Variants in CNTN1 observed in about 807,000 individuals in gnomAD.
CNTN1 encodes contactin-1.
In CNTN1, 38 loss-of-function variants were observed where a neutral mutation model predicts 126.4. That is an observed-to-expected ratio of 0.30 (90% CI 0.23 to 0.39). The LOEUF (loss-of-function observed/expected upper bound fraction) is 0.39. Ranked by LOEUF, CNTN1 falls within the 10% of genes least tolerant of loss-of-function variation. CNTN1 has a pLI of 1.00. For missense variants in CNTN1, 1,009 were observed against 1,248.4 expected (o/e 0.81, Z 2.89); for synonymous variants, 413 against 422.6 (o/e 0.98, Z 0.28).
At chr12:41,014,158 C>A (rs916283889) in intron 17 of CNTN1, 70 bp from the exon 18 acceptor site, 69 of 1,443,134 alleles carry the variant, frequency 4.8e-5, no homozygotes, top group Non-Finnish European at 6.6e-5. Flanking sequence ...AATAAGAATT[C>A]TAACACCAGG....
intron 18 of CNTN1, among the ~76,000 whole-genome samples, chr12:41,014,565 T>C (rs577640461): frequency 6.6e-6 from 1 of 152,334 alleles, no homozygotes; most frequent in African/African-American, 2.4e-5. Flanking sequence ...ATTCCAGAGA[T>C]ACTTTGATCA....
chr12:40,794,451 T>G (rs1224567828), intron 1 of CNTN1, among the ~76,000 whole-genome samples: 5 of 148,904 alleles, frequency 3.4e-5, no homozygotes, highest in African/African-American at 9.9e-5. Context: ...TTTTTTTTTT[T>G]GCATGGTTGG....
At chr12:40,965,272 A>G (rs1440035871) in intron 15 of CNTN1, among the ~76,000 whole-genome samples, 1 of 152,182 alleles carries the variant, frequency 6.6e-6, no homozygotes, top group African/African-American at 2.4e-5. Flanking sequence ...TGAGAGAAAG[A>G]GTTCCTCCCC....
At chr12:40,918,217 G>A (rs535922567) in intron 3 of CNTN1, among the ~76,000 whole-genome samples, 2 of 152,210 alleles carry the variant, frequency 1.3e-5, no homozygotes, top group East Asian at 3.9e-4. Context: ...ACTCAAAAGA[G>A]GACCAATAAA....
At chr12:41,058,669 G>A (rs1301532946) in intron 23 of CNTN1, among the ~76,000 whole-genome samples, 2 of 151,908 alleles carry the variant, frequency 1.3e-5, no homozygotes, top group African/African-American at 4.8e-5. Context: ...TATGACTAAG[G>A]ATGAGCCTTT....
chr12:40,753,513 C>A (rs1938482487), intron 1 of CNTN1, among the ~76,000 whole-genome samples: 1 of 152,086 alleles, frequency 6.6e-6, no homozygotes, highest in Non-Finnish European at 1.5e-5. Flanking sequence ...GCAAACACGT[C>A]CTTCTTCACA....
At chr12:40,851,897 T>C (rs1031645664) in intron 1 of CNTN1, among the ~76,000 whole-genome samples, 1 of 152,136 alleles carries the variant, frequency 6.6e-6, no homozygotes, top group Non-Finnish European at 1.5e-5. Context: ...ATAGGACATA[T>C]GTACAGAAAA....
chr12:40,931,213 T>C (rs1352669625), intron 7 of CNTN1, among the ~76,000 whole-genome samples: 4 of 151,930 alleles, frequency 2.6e-5, no homozygotes, highest in Non-Finnish European at 4.4e-5. Context: ...TATTATGAAT[T>C]CCTATTTGCT....
chr12:40,930,033 C>T (rs371168812), intron 7 of CNTN1, 31 bp downstream of exon 7: 55 of 1,496,764 alleles, frequency 3.7e-5, no homozygotes, highest in Middle Eastern at 1.7e-4. Flanking sequence ...ACTCTGTTTT[C>T]GCAAGGTTAT....
rs745975456 is a variant in CNTN1 at position 41,069,988 on chromosome 12, G to A, written c.3010G>A (p.Gly1004Ser). 1.2e-5 allele frequency: 20 copies of A among 1,613,730 alleles called. No homozygotes were observed. The highest frequency in any genetic ancestry group is 9.9e-5 in the South Asian group (9 of 91,076). ...GAPTLSPSLL[G>S]LLLPAFGILV... ...ACCCACCCTATCCCCAAGTCTTCTCGGCTTACTGCTGCCTGCCTTTGGCAT... is the reference window on the plus strand; with the variant it reads ...ACCCACCCTATCCCCAAGTCTTCTCAGCTTACTGCTGCCTGCCTTTGGCAT... The change falls in exon 24 of 24, where the codon GGC becomes AGC. Residue 1004 changes from glycine (G) to serine (S), a missense_variant. Transcript: ENST00000551295.
chr12:40,843,278 C>T (rs191936462), intron 1 of CNTN1, among the ~76,000 whole-genome samples: 1 of 152,090 alleles, frequency 6.6e-6, no homozygotes, highest in Admixed American at 6.5e-5. Context: ...ATTTTGTTGA[C>T]ATATTGATTG....
At chr12:40,967,484 AC>A (rs1248508753) in intron 15 of CNTN1, among the ~76,000 whole-genome samples, 2 of 152,206 alleles carry the variant, frequency 1.3e-5, no homozygotes, top group Admixed American at 6.5e-5. Flanking sequence ...TCTCAAAAAA[AC>A]AAAACAAAAC....
chr12:41,037,160 T>G lies in CNTN1; in HGVS notation c.2980+7941T>G, dbSNP rs544437190. On this transcript the variant is annotated intron_variant, in intron 23 of 23. Coordinates refer to ENST00000551295, the MANE Select transcript of CNTN1 (RefSeq NM_001843.4). ...TTTCCAGGTTTGTTTTTAAATGTTA[T>G]TAATGATGGATTGGTATGGTTTATT... 3.3e-5 allele frequency among the ~76,000 whole-genome samples: 5 copies of G among 152,316 alleles called. No homozygotes were observed. In the South Asian group the frequency reaches 1.0e-3, roughly 32 times the overall value.
chr12:40,892,340 T>C (rs1944267720), intron 1 of CNTN1, among the ~76,000 whole-genome samples: 2 of 152,242 alleles, frequency 1.3e-5, no homozygotes, highest in East Asian at 1.9e-4. Flanking sequence ...TGGATTTTGT[T>C]TGTTTGTTTG....
At chr12:40,781,790 A>G (rs1939816085) in intron 1 of CNTN1, among the ~76,000 whole-genome samples, 1 of 152,000 alleles carries the variant, frequency 6.6e-6, no homozygotes, top group Admixed American at 6.6e-5. Context: ...ATTGTTCTCT[A>G]TTATAGTCAG....
At chr12:40,868,757 T>C (rs1943388368) in intron 1 of CNTN1, among the ~76,000 whole-genome samples, 1 of 152,176 alleles carries the variant, frequency 6.6e-6, no homozygotes, top group African/African-American at 2.4e-5. Flanking sequence ...TCTTTGTCTC[T>C]ACGTGCAGTC....
At position 40,961,086 on chromosome 12, in the gene CNTN1, G is replaced by A. The variant is rs138112497; in HGVS notation, c.1804+1852G>A. On this transcript the variant is annotated intron_variant, in intron 15 of 23. Transcript: ENST00000551295. ...AGGTAATTAATTATCACCACTATATGTATTTTTATAGAGAATCAATAAAAA... is the reference window on the plus strand; with the variant it reads ...AGGTAATTAATTATCACCACTATATATATTTTTATAGAGAATCAATAAAAA... 2.1e-3 allele frequency among the ~76,000 whole-genome samples: 318 copies of A among 151,942 alleles called. 1 individual carries two copies. Among genetic ancestry groups the A allele is most frequent in the East Asian group, 0.018 (91 of 5,154 alleles).
At chr12:40,827,744 AG>A (rs1426348210) in intron 1 of CNTN1, among the ~76,000 whole-genome samples, 1 of 151,850 alleles carries the variant, frequency 6.6e-6, no homozygotes, top group Admixed American at 6.6e-5. Flanking sequence ...CCTATGATTT[AG>A]GTTGTAATTT....
intron 23 of CNTN1, among the ~76,000 whole-genome samples, chr12:41,040,629 C>T (rs574044908): frequency 2.1e-3 from 314 of 152,188 alleles, no homozygotes; most frequent in African/African-American, 6.6e-3. Flanking sequence ...AGGTCCTTCA[C>T]GTCCCTTGTA....
Sources: allele counts gnomAD v4.1 joint callset (sites outside exome capture counted in the v4.1 genomes callset), GRCh38; gene constraint gnomAD v4.1.1; transcripts MANE v1.5; gene names NCBI Gene and HGNC (gene_info 2026-07-23, HGNC 2026-07-21).